The following TSGA10 variants were observed in gnomAD, a reference collection of about 807,000 sequenced individuals.
TSGA10 encodes testis-specific gene 10 protein.
A neutral mutation model predicts 96.6 loss-of-function variants in TSGA10; 43 were observed. That is an observed-to-expected ratio of 0.44 (90% CI 0.35 to 0.57). TSGA10 has a LOEUF of 0.57. Ranked by LOEUF, TSGA10 falls within the 20% of genes least tolerant of loss-of-function variation. The pLI, the probability that TSGA10 is intolerant of heterozygous loss-of-function variation, is 0.01. For missense variants in TSGA10, 703 were observed against 834.4 expected (o/e 0.84, Z 1.94); for synonymous variants, 229 against 269.9 (o/e 0.85, Z 1.48).
chr2:98,998,279 T>A, intron 20 of TSGA10, 58 bp from the exon 21 acceptor site: 1 of 1,433,068 alleles, frequency 7.0e-7, no homozygotes, highest in Non-Finnish European at 9.6e-7. Flanking sequence ...TCAACATGTG[T>A]AACAAATTTA....
At chr2:99,132,852 T>C (rs755445234) in intron 1 of TSGA10, among the ~76,000 whole-genome samples, 2 of 152,220 alleles carry the variant, frequency 1.3e-5, no homozygotes, top group Non-Finnish European at 2.9e-5. Context: ...TGCCTTAATT[T>C]CGTTATGTAC....
rs578162786 is a variant in TSGA10 at position 99,035,498 on chromosome 2, T to C, written c.1405-59A>G. 712 of 1,230,408 alleles carry C rather than the reference T, an allele frequency of 5.8e-4. 8 individuals carry two copies. In the South Asian group the frequency reaches 0.011, roughly 20 times the overall value. The allele number at this position is 1,230,408 out of a possible 1,614,324, so 76.2% of individuals were successfully genotyped here. A position where few individuals can be genotyped will look rare whatever the true frequency, so the allele number is the denominator to read the frequency against. On this transcript the variant is annotated intron_variant, in intron 16 of 20. Transcript: ENST00000393483. Reference sequence around the variant, plus strand: ...CATATATATTAAACTGGAAGGAAACTATAACATGGAAAAATGAAGTGGGGC... The same window carrying C: ...CATATATATTAAACTGGAAGGAAACCATAACATGGAAAAATGAAGTGGGGC...
At chr2:99,077,008 G>A (rs2086777231) in intron 12 of TSGA10, among the ~76,000 whole-genome samples, 1 of 151,236 alleles carries the variant, frequency 6.6e-6, no homozygotes, top group African/African-American at 2.4e-5. Flanking sequence ...GTGTGTTTTT[G>A]CCCAATTCCA....
chr2:99,092,722 G>A (rs2089499620), intron 10 of TSGA10, among the ~76,000 whole-genome samples: 1 of 152,052 alleles, frequency 6.6e-6, no homozygotes, highest in South Asian at 2.1e-4. Flanking sequence ...GCTTAAACCA[G>A]GAAGAATTAG....
chr2:99,086,630 C>T (rs1009216321), intron 10 of TSGA10, among the ~76,000 whole-genome samples: 1 of 152,074 alleles, frequency 6.6e-6, no homozygotes, highest in Non-Finnish European at 1.5e-5. Context: ...TTATTGCTGA[C>T]GTTACAAAGA....
rs550565389 is a variant in TSGA10 at position 99,037,953 on chromosome 2, A to AGATTAATAGCTAAT, written c.1405-2515_1405-2514insATTAGCTATTAATC. Among the ~76,000 whole-genome samples the AGATTAATAGCTAAT allele has an allele frequency of 1.5e-3, 235 of 152,294 alleles. 1 individual carries two copies. Among genetic ancestry groups the AGATTAATAGCTAAT allele is most frequent in the Middle Eastern group, 0.01 (3 of 294 alleles). On this transcript the variant is annotated intron_variant, in intron 16 of 20. Transcript: ENST00000393483. ...AAGAAAAACCTATCAGATTAATAGC[A>AGATTAATAGCTAAT]GATTTCTTAGCAGAAACCATACAAG...
At chr2:99,070,387 T>C (rs1044646977) in intron 14 of TSGA10, among the ~76,000 whole-genome samples, 18 of 152,076 alleles carry the variant, frequency 1.2e-4, no homozygotes, top group Non-Finnish European at 2.9e-5. Flanking sequence ...CTACTGCCTC[T>C]TCATGTAGAA....
At chr2:99,053,585 G>A (rs2083635123) in intron 16 of TSGA10, among the ~76,000 whole-genome samples, 1 of 151,942 alleles carries the variant, frequency 6.6e-6, no homozygotes, top group East Asian at 1.9e-4. Context: ...ACATAAAAAA[G>A]CTCTAAAGAA....
chr2:99,059,802 T>C (rs935666927), intron 16 of TSGA10, among the ~76,000 whole-genome samples: 1 of 150,804 alleles, frequency 6.6e-6, no homozygotes, highest in African/African-American at 2.4e-5. Flanking sequence ...TATTCCCAGC[T>C]ACTCAGGAGG....
Position 99,144,649 on chromosome 2 carries a change from C to CAAAAAAAAAAAAA in TSGA10, c.-621+10031_-621+10043dup, listed in dbSNP as rs70940140. Among the ~76,000 whole-genome samples the CAAAAAAAAAAAAA allele has an allele frequency of 8.6e-4, 45 of 52,234 alleles. 2 individuals carry two copies. The highest frequency in any genetic ancestry group is 1.6e-3 in the African/African-American group (23 of 14,110). 34.3% of individuals were successfully genotyped at this position (52,234 alleles called of 152,430 possible). On this transcript the variant is annotated intron_variant, in intron 1 of 20. Coordinates refer to ENST00000393483, the MANE Select transcript of TSGA10 (RefSeq NM_025244.4). Reference sequence around the variant, plus strand: ...GGGGGACAAGAACAAAACTCTGTCTCAAAAAAAAAAAAAAAAAAAAAAGAT... The same window carrying CAAAAAAAAAAAAA: ...GGGGGACAAGAACAAAACTCTGTCTCAAAAAAAAAAAAAAAAAAAAAAAAAAAAAAAAAAAGAT...
At chr2:99,147,475 C>T in intron 1 of TSGA10, 1 of 1,614,004 alleles carries the variant, frequency 6.2e-7, no homozygotes, top group Non-Finnish European at 8.5e-7. Context: ...TTCATGTCCT[C>T]AACTCTGGGG....
chr2:99,115,755 C>T (rs2092212483), intron 4 of TSGA10, among the ~76,000 whole-genome samples: 1 of 152,050 alleles, frequency 6.6e-6, no homozygotes, highest in South Asian at 2.1e-4. Flanking sequence ...TCGTGGGTGC[C>T]TGTAATCCCA....
At position 99,136,585 on chromosome 2, in the gene TSGA10, CAGG is replaced by C. The variant is rs1384359224; in HGVS notation, c.-620-9412_-620-9410del. Among the ~76,000 whole-genome samples the C allele has an allele frequency of 7.1e-5, 2 of 28,342 alleles. 1 individual carries two copies. Among genetic ancestry groups the C allele is most frequent in the African/African-American group, 1.5e-4 (2 of 13,524 alleles). The allele number at this position is 28,342 out of a possible 152,430, so 18.6% of individuals were successfully genotyped here. A position where few individuals can be genotyped will look rare whatever the true frequency, so the allele number is the denominator to read the frequency against. ...GGCCGAGGCGGGCGGATCACGAGGTCAGGAGATCGAGACCATCCCGGCTAAAAC... is the reference window on the plus strand; with the variant it reads ...GGCCGAGGCGGGCGGATCACGAGGTCAGATCGAGACCATCCCGGCTAAAAC... On this transcript the variant is annotated intron_variant, in intron 1 of 20. Transcript: ENST00000393483.
At chr2:99,021,272 T>C (rs1051781404) in intron 17 of TSGA10, among the ~76,000 whole-genome samples, 1 of 151,854 alleles carries the variant, frequency 6.6e-6, no homozygotes, top group Non-Finnish European at 1.5e-5. Flanking sequence ...CTAAGCTAGA[T>C]ACAATGCAAA....
At chr2:99,142,021 T>G (rs1449668474) in intron 1 of TSGA10, 2 of 152,294 alleles carry the variant, frequency 1.3e-5, no homozygotes, top group Non-Finnish European at 2.9e-5. Context: ...AATCAGGAAG[T>G]GGCAGATCTA....
Position 99,117,682 on chromosome 2 carries a change from G to A in TSGA10, c.-278C>T, listed in dbSNP as rs1416138465. The A allele has an allele frequency of 2.0e-6, 2 of 985,536 alleles. No homozygotes were observed. Among genetic ancestry groups the A allele is most frequent in the Admixed American group, 6.2e-5 (1 of 16,254 alleles). The allele number at this position is 985,536 out of a possible 1,614,324, so 61.0% of individuals were successfully genotyped here. On this transcript the variant is annotated 5_prime_UTR_variant, in exon 4 of 21. Transcript: ENST00000393483. ...GGCTGGTTAAATCATCTACTTGACT[G>A]CTTACCACCTCCTTACTATCCAAGA...
In TSGA10 at chr2:99,065,001, C is replaced by A. The variant is rs1558896151; in HGVS notation, c.1342G>T (p.Ala448Ser). ...TTTAATCTGTTACCCTCTGCCTCAGCAGTGATAAGTTCCAGTTTGAGGGTA... is the reference window on the plus strand; with the variant it reads ...TTTAATCTGTTACCCTCTGCCTCAGAAGTGATAAGTTCCAGTTTGAGGGTA... ...NNTLKLELIT[A>S]EAEGNRLKEK... is the part of the protein sequence containing the mutation. The change falls in exon 16 of 21, where the codon GCT becomes TCT. Residue 448 changes from alanine (A) to serine (S), a missense_variant. Physicochemically the swap from Ala to Ser is moderately conservative, Grantham distance 99 (BLOSUM62 1). Around this residue, in one of 3 missense-constraint regions of TSGA10, gnomAD observed 585 missense variants for 656.8 expected, o/e 0.89. Transcript: ENST00000393483. 2.5e-6 allele frequency: 4 copies of A among 1,613,280 alleles called. No homozygotes were observed. The highest frequency in any genetic ancestry group is 3.4e-6 in the Non-Finnish European group (4 of 1,179,666).
intron 10 of TSGA10, among the ~76,000 whole-genome samples, chr2:99,086,829 A>G (rs538701801): frequency 6.6e-5 from 10 of 152,262 alleles, no homozygotes; most frequent in Non-Finnish European, 1.5e-4. Context: ...TACATAGGAA[A>G]TCCTATAAAA....
rs188846725 is a variant in TSGA10, at chr2:99,038,685, T to C, written c.1405-3246A>G. 2.0e-3 allele frequency among the ~76,000 whole-genome samples: 305 copies of C among 152,250 alleles called. 1 individual carries two copies. Among genetic ancestry groups the C allele is most frequent in the Admixed American group, 3.4e-3 (52 of 15,290 alleles). ...TTACTACTAGACCTAAAAAATGAGATAGATGGCAACACAATAATAGTGGGG... is the reference window on the plus strand; with the variant it reads ...TTACTACTAGACCTAAAAAATGAGACAGATGGCAACACAATAATAGTGGGG... On this transcript the variant is annotated intron_variant, in intron 16 of 20. Transcript: ENST00000393483.
Sources: gnomAD v4.1 joint callset for allele counts (sites outside exome capture counted in the v4.1 genomes callset) on GRCh38, gnomAD v4.1.1 for gene constraint, gnomAD v4.1.1 regional missense constraint, MANE v1.5 for transcripts, NCBI Gene and HGNC (gene_info 2026-07-23, HGNC 2026-07-21) for gene names.